The following ZRANB1 variants were observed in gnomAD, a reference collection of about 807,000 sequenced individuals.
ZRANB1 encodes ubiquitin thioesterase ZRANB1.
A neutral mutation model predicts 80.5 loss-of-function variants in ZRANB1; 16 were observed. The observed-to-expected ratio is 0.20, with a 90% CI of 0.13 to 0.30. ZRANB1 has a LOEUF of 0.30. ZRANB1 is among the 10% of genes least tolerant of loss of function. The probability of loss-of-function intolerance (pLI) is 1.00; values close to 1 mark genes in which losing one functional copy is unlikely to be tolerated. For missense variants in ZRANB1, 576 were observed against 862.6 expected, an observed-to-expected ratio of 0.67 and a Z score of 4.16; for synonymous variants, 291 against 293.1, an observed-to-expected ratio of 0.99 and a Z score of 0.07.
At chr10:124,979,904 T>TA (rs1268631008) in intron 5 of ZRANB1, among the ~76,000 whole-genome samples, 1 of 152,278 alleles carries the variant, frequency 6.6e-6, no homozygotes, top group Non-Finnish European at 1.5e-5. Context: ...GTTATGTCAT[T>TA]ACCAGACTGT....
In ZRANB1 at chr10:124,966,680, C is replaced by T. The variant is rs199614287; in HGVS notation, c.901C>T (p.Arg301Cys). The change falls in exon 2 of 9, where the codon CGC becomes TGC. Residue 301 changes from arginine to cysteine, a missense_variant. Physicochemically the swap from Arg to Cys is radical, Grantham distance 180. Coordinates refer to ENST00000359653, the MANE Select transcript of ZRANB1 (RefSeq NM_017580.3). ...IARQLTADEVRLLNRPSAFDV... is the reference protein window; with the variant it reads ...IARQLTADEVCLLNRPSAFDV... The stretch of plus-strand genomic sequence containing the variant: ...ACGTCAGCTCACCGCAGATGAAGTA[C>T]GCTTGCTGAATCGTCCTTCTGCCTT... The T allele has an allele frequency of 6.2e-6, 10 of 1,614,036 alleles. No homozygotes were observed. The highest frequency in any genetic ancestry group is 2.2e-5 in the East Asian group (1 of 44,892).
intron 1 of ZRANB1, among the ~76,000 whole-genome samples, chr10:124,956,056 T>C (rs575967134): frequency 6.6e-6 from 1 of 152,320 alleles, no homozygotes; most frequent in East Asian, 1.9e-4. Flanking sequence ...CTTTCAGAAA[T>C]GATTGATTAC....
At position 124,983,354 on chromosome 10, in the gene ZRANB1, T is replaced by C. The variant is rs1382157283; in HGVS notation, c.1678+50T>C. 1 of 1,605,748 alleles carries C rather than the reference T, an allele frequency of 6.2e-7. No individual in the cohort carries two copies. Among genetic ancestry groups the C allele is most frequent in the Admixed American group, 1.7e-5 (1 of 59,492 alleles). On this transcript the variant is annotated intron_variant, in intron 7 of 8. Coordinates refer to ENST00000359653, the MANE Select transcript of ZRANB1 (RefSeq NM_017580.3). The surrounding 1 kb of genome is among the most constrained non-coding windows in gnomAD (Gnocchi z 6.2). Reference sequence around the variant, plus strand: ...TACAAGTTTCTTTGAACGGAATGGCTCAGATGTCAGGAAGGAGCAGTGGAC... The same window carrying C: ...TACAAGTTTCTTTGAACGGAATGGCCCAGATGTCAGGAAGGAGCAGTGGAC...
At chr10:124,952,963 C>T (rs560559049) in intron 1 of ZRANB1, among the ~76,000 whole-genome samples, 1 of 151,532 alleles carries the variant, frequency 6.6e-6, no homozygotes, top group Non-Finnish European at 1.5e-5. Flanking sequence ...CTTGCTCTGT[C>T]ACCCAGCCTG....
chr10:124,923,641 T>TTCTC, the ZRANB1 span, among the ~76,000 whole-genome samples: 1 of 151,914 alleles, frequency 6.6e-6, no homozygotes, highest in Non-Finnish European at 1.5e-5. Context: ...GACTAACAGT[T>TTCTC]TCTCATGACT....
chr10:124,978,508 C>G (rs1196614822), intron 5 of ZRANB1, among the ~76,000 whole-genome samples: 1 of 152,220 alleles, frequency 6.6e-6, no homozygotes, highest in Non-Finnish European at 1.5e-5. Flanking sequence ...CTCAGGTTCT[C>G]AAGTCTGAAT....
intron 1 of ZRANB1, among the ~76,000 whole-genome samples, chr10:124,956,623 A>G (rs1018725402): frequency 7.2e-5 from 11 of 152,092 alleles, no homozygotes; most frequent in Non-Finnish European, 1.5e-4. Flanking sequence ...CAAGCTCGCC[A>G]CCACGCCCAG....
intron 1 of ZRANB1, among the ~76,000 whole-genome samples, chr10:124,949,459 ATG>A (rs1491079227): frequency 6.6e-6 from 1 of 150,492 alleles, no homozygotes; most frequent in African/African-American, 2.4e-5. Context: ...GTATATATAT[ATG>A]TTTACACACA....
the ZRANB1 span, among the ~76,000 whole-genome samples, chr10:124,922,336 A>ATATAT: frequency 5.0e-3 from 225 of 44,630 alleles, 4 homozygotes; most frequent in Middle Eastern, 0.016. Context: ...GTATATATAT[A>ATATAT]TTTTTTTTTT....
At chr10:124,938,660 C>T (rs1385632631), upstream of ZRANB1, among the ~76,000 whole-genome samples, 1 of 152,000 alleles carries the variant, frequency 6.6e-6, no homozygotes, top group Non-Finnish European at 1.5e-5. Flanking sequence ...AACAACATTC[C>T]TGCAATGTTT....
At chr10:124,984,449 CT>C (rs1257828592) in intron 8 of ZRANB1, 7 of 254,048 alleles carry the variant, frequency 2.8e-5, no homozygotes, top group Non-Finnish European at 4.5e-5. Flanking sequence ...ACTAAGTAAA[CT>C]TACCTTGTCA....
chr10:124,942,418 A>T lies in ZRANB1; in HGVS notation c.-76A>T. The T allele has an allele frequency of 6.3e-7, 1 of 1,578,956 alleles. No homozygotes were observed. The highest frequency in any genetic ancestry group is 8.6e-7 in the Non-Finnish European group (1 of 1,160,652). ...TGGGCAGCGTATTTTTGGAGGTGGAATGTAGTTATTTTAATAACCATGTCC... is the reference window on the plus strand; with the variant it reads ...TGGGCAGCGTATTTTTGGAGGTGGATTGTAGTTATTTTAATAACCATGTCC... On this transcript the variant is annotated 5_prime_UTR_variant, in exon 1 of 9. An upstream start codon of the reference 5' UTR is lost. Transcript: ENST00000359653.
Position 124,959,592 on chromosome 10 carries a change from A to G in ZRANB1, c.815-7002A>G, listed in dbSNP as rs577147926. On this transcript the variant is annotated intron_variant, in intron 1 of 8. Coordinates refer to ENST00000359653, the MANE Select transcript of ZRANB1 (RefSeq NM_017580.3). Reference sequence around the variant, plus strand: ...AGGGATCCTCTCACCTCAGTCTCCCAAGTAGCTGGGACTACAGGTGCATGC... The same window carrying G: ...AGGGATCCTCTCACCTCAGTCTCCCGAGTAGCTGGGACTACAGGTGCATGC... 3.9e-5 allele frequency among the ~76,000 whole-genome samples: 6 copies of G among 152,088 alleles called. No homozygotes were observed. In the South Asian group the frequency reaches 1.2e-3, roughly 32 times the overall value.
intron 5 of ZRANB1, among the ~76,000 whole-genome samples, chr10:124,976,937 A>G (rs1356197483): frequency 6.6e-6 from 1 of 151,420 alleles, no homozygotes; most frequent in Admixed American, 6.6e-5. Context: ...TTTAGAAGTG[A>G]TGTCTTTTTT....
intron 1 of ZRANB1, among the ~76,000 whole-genome samples, chr10:124,951,297 G>T (rs1044056135): frequency 6.6e-6 from 1 of 152,086 alleles, no homozygotes; most frequent in Non-Finnish European, 1.5e-5. Context: ...TGAAAGGGAG[G>T]TTGTACAATA....
At position 124,943,164 on chromosome 10, in the gene ZRANB1, C is replaced by T; in HGVS notation, c.671C>T (p.Ser224Phe). Residue 224 changes from serine to phenylalanine, a missense_variant, in exon 1 of 9, where the codon TCT (serine) becomes TTT (phenylalanine). Ser to Phe is a radical substitution (Grantham distance 155). Around this residue, in one of 3 missense-constraint regions of ZRANB1, gnomAD observed 411 missense variants for 583.1 expected, o/e 0.70. Transcript: ENST00000359653. The stretch of plus-strand genomic sequence containing the variant: ...TCACCTCCTGCTACGAAGCGGGACT[C>T]TGAAGTGAAAATGGATTTTCAGAGG... The part of the protein sequence containing the change: ...RRSPPATKRD[S>F]EVKMDFQRIE... 2.5e-6 allele frequency: 4 copies of T among 1,614,192 alleles called. No individual in the cohort carries two copies. Among genetic ancestry groups the T allele is most frequent in the Non-Finnish European group, 3.4e-6 (4 of 1,180,044 alleles).
chr10:124,983,514 T>C lies in ZRANB1; in HGVS notation c.1734T>C (p.Ala578=). Residue 578 remains alanine (A), a synonymous_variant, in exon 8 of 9, where the codon GCT becomes GCC. Coordinates refer to ENST00000359653, the MANE Select transcript of ZRANB1 (RefSeq NM_017580.3). The surrounding 1 kb of genome is among the most constrained non-coding windows in gnomAD (Gnocchi z 6.2). ...GTTTTTGTTGGAAAAGTCCGATTGC[T>C]CTGGGTTATACGAGGGGCCACTTCT... is the stretch of plus-strand genomic sequence containing the variant. ...EQSFCWKSPI[A]LGYTRGHFSA... is the part of the protein sequence containing the mutation. 6.2e-7 allele frequency: 1 copy of C among 1,614,146 alleles called. No homozygotes were observed. The highest frequency in any genetic ancestry group is 1.1e-5 in the South Asian group (1 of 91,082).
the ZRANB1 span, among the ~76,000 whole-genome samples, chr10:124,929,521 G>GT: frequency 6.6e-6 from 1 of 151,550 alleles, no homozygotes; most frequent in Non-Finnish European, 1.5e-5. Context: ...TGTCTTTTTA[G>GT]TAGAGACGGG....
intron 1 of ZRANB1, among the ~76,000 whole-genome samples, chr10:124,944,493 C>CG (rs1463889052): frequency 1.0e-5 from 1 of 99,324 alleles, no homozygotes; most frequent in Non-Finnish European, 2.1e-5. Flanking sequence ...TTCCCCCCCC[C>CG]CCCCCGCCCC....
Sources: allele counts gnomAD v4.1 joint callset (sites outside exome capture counted in the v4.1 genomes callset), GRCh38; gene constraint gnomAD v4.1.1; regional missense constraint gnomAD v4.1.1; non-coding constraint Gnocchi (gnomAD v3.1); transcripts MANE v1.5; gene names NCBI Gene and HGNC (gene_info 2026-07-23, HGNC 2026-07-21).